Variants in PTPRF observed in about 807,000 individuals in gnomAD.
PTPRF encodes receptor-type tyrosine-protein phosphatase F.
A neutral mutation model predicts 201.8 loss-of-function variants in PTPRF; 59 were observed. The observed-to-expected ratio is 0.29, with a 90% confidence interval of 0.24 to 0.36. The LOEUF is 0.36. Among genes scored for constraint, PTPRF ranks in the 10% least tolerant of loss-of-function variants. The pLI, the probability that PTPRF is intolerant of heterozygous loss-of-function variation, is 1.00. For missense variants in PTPRF, 2,132 were observed against 2,690.5 expected (o/e 0.79, Z 4.59); for synonymous variants, 1,088 against 1,089.7 (o/e 1.00, Z 0.03).
At chr1:43,606,013 T>A (rs1299053148) in intron 19 of PTPRF, among the ~76,000 whole-genome samples, 2 of 152,068 alleles carry the variant, frequency 1.3e-5, no homozygotes, top group African/African-American at 4.8e-5. Context: ...AACAGCCTGG[T>A]TAGGGTGGGG....
At chr1:43,600,341 C>T (rs1043920145) in intron 13 of PTPRF, among the ~76,000 whole-genome samples, 1 of 152,100 alleles carries the variant, frequency 6.6e-6, no homozygotes, top group Non-Finnish European at 1.5e-5. Context: ...CCAAGAGGTT[C>T]GGAAGGGAGC....
chr1:43,570,416 G>GA (rs1410789930), intron 6 of PTPRF, among the ~76,000 whole-genome samples: 1 of 152,266 alleles, frequency 6.6e-6, no homozygotes, highest in Non-Finnish European at 1.5e-5. Context: ...GAGCAGGCGG[G>GA]AAAAGAGGCT....
intron 8 of PTPRF, 37 bp from the exon 9 acceptor site, chr1:43,590,935 A>G (rs766611104): frequency 4.5e-6 from 7 of 1,557,580 alleles, no homozygotes; most frequent in Non-Finnish European, 6.1e-6. Context: ...AAGGATCTTG[A>G]CCTCGGGCAG....
intron 5 of PTPRF, among the ~76,000 whole-genome samples, chr1:43,560,230 C>CGT (rs1249701539): frequency 5.8e-5 from 8 of 137,136 alleles, no homozygotes; most frequent in Admixed American, 5.8e-4. Context: ...TGCATCAGGC[C>CGT]GTGTGTGTGT....
chr1:43,529,130 A>G (rs1460380927), upstream of PTPRF, among the ~76,000 whole-genome samples: 2 of 152,242 alleles, frequency 1.3e-5, no homozygotes, highest in African/African-American at 2.4e-5. Context: ...CTGGAAAAAA[A>G]GGCAAAAATG....
In PTPRF at chr1:43,603,871, G is replaced by A. The variant is rs773247312; in HGVS notation, c.2719G>A (p.Glu907Lys). The A allele has an allele frequency of 2.5e-6, 4 of 1,614,108 alleles. No individual in the cohort carries two copies. Among genetic ancestry groups the A allele is most frequent in the Middle Eastern group, 1.6e-4 (1 of 6,062 alleles). Reference protein sequence around the residue: ...RAGLGEEFEKEIRTPEDLPSG... With the variant: ...RAGLGEEFEKKIRTPEDLPSG... The stretch of plus-strand genomic sequence containing the variant: ...TGGCTTGGGTGAGGAGTTCGAGAAG[G>A]AGATCAGGACCCCCGAGGACCTGCC... Residue 907 changes from glutamate (E) to lysine (K), a missense_variant, in exon 16 of 34, where the codon GAG (glutamate) becomes AAG (lysine). Transcript: ENST00000359947. The surrounding 1 kb of genome is among the most constrained non-coding windows in gnomAD (Gnocchi z 5.8).
chr1:43,592,278 G>A (rs1480361722), intron 10 of PTPRF, among the ~76,000 whole-genome samples, 179 bp from the exon 11 acceptor site: 9 of 152,150 alleles, frequency 5.9e-5, no homozygotes, highest in African/African-American at 1.9e-4. Context: ...GGTCTGTGAG[G>A]TGTCTGTGGC....
chr1:43,544,893 C>A (rs1403663023), intron 2 of PTPRF, 138 bp from the exon 3 acceptor site: 8 of 582,090 alleles, frequency 1.4e-5, no homozygotes, highest in Middle Eastern at 4.0e-4. Flanking sequence ...GGTCATTGCA[C>A]AGCCCAAGTG....
intron 21 of PTPRF, among the ~76,000 whole-genome samples, 184 bp downstream of exon 21, chr1:43,607,152 T>C (rs1655326177): frequency 1.3e-5 from 2 of 152,222 alleles, no homozygotes. Flanking sequence ...GGCCTGCATC[T>C]GTCAGGTGAG....
At chr1:43,611,663 A>G (rs1656484448) in intron 22 of PTPRF, among the ~76,000 whole-genome samples, 1 of 152,160 alleles carries the variant, frequency 6.6e-6, no homozygotes, top group Non-Finnish European at 1.5e-5. Context: ...ACTGGATTAG[A>G]GAGGAGAAAT....
chr1:43,531,424 C>G (rs1048801094), intron 1 of PTPRF, among the ~76,000 whole-genome samples: 7 of 109,190 alleles, frequency 6.4e-5, no homozygotes, highest in African/African-American at 2.4e-4. Context: ...CGCAAAGTTT[C>G]CCGTTTGCGT....
At position 43,597,674 on chromosome 1, in the gene PTPRF, C is replaced by T. The variant is rs1652685040; in HGVS notation, c.1814-74C>T. ...AGCCTGCCCGGGTGAGTCTCCAGTC[C>T]ACTGTGACTCAGTCATTGTGCCTGT... On this transcript the variant is annotated intron_variant, in intron 11 of 33. Coordinates refer to ENST00000359947, the MANE Select transcript of PTPRF (RefSeq NM_002840.5). 1.0e-5 allele frequency: 11 copies of T among 1,084,836 alleles called. No homozygotes were observed. In the South Asian group the frequency reaches 1.6e-4, roughly 16 times the overall value. 67.2% of individuals were successfully genotyped at this position (1,084,836 alleles called of 1,614,324 possible).
Position 43,609,356 on chromosome 1 carries a change from T to C in PTPRF, c.3858-27T>C, listed in dbSNP as rs745382284. 8.1e-6 allele frequency: 13 copies of C among 1,598,420 alleles called. No individual in the cohort carries two copies. In the East Asian group the frequency reaches 2.7e-4, roughly 33 times the overall value. ...CTGTCTCAGCCTGGACCTCAGGTTC[T>C]CACCAGCCTCCCTTCTGTCTCTCTA... On this transcript the variant is annotated intron_variant, in intron 21 of 33. Transcript: ENST00000359947.
At chr1:43,583,979 AG>A (rs1226059640) in intron 7 of PTPRF, among the ~76,000 whole-genome samples, 1 of 152,176 alleles carries the variant, frequency 6.6e-6, no homozygotes, top group Non-Finnish European at 1.5e-5. Context: ...GCAACTTAGC[AG>A]GATCCATATG....
intron 13 of PTPRF, 109 bp downstream of exon 13, chr1:43,599,022 G>A: frequency 1.7e-6 from 2 of 1,198,126 alleles, no homozygotes; most frequent in East Asian, 2.5e-5. Flanking sequence ...CCTCAGCAGT[G>A]CTGTGACTGC....
At chr1:43,612,325 G>C (rs1183495113) in intron 22 of PTPRF, among the ~76,000 whole-genome samples, 1 of 152,170 alleles carries the variant, frequency 6.6e-6, no homozygotes, top group Admixed American at 6.5e-5. Flanking sequence ...ATCCTGGGAA[G>C]ATACCTGGGA....
At chr1:43,605,040 C>T (rs760595682) in intron 17 of PTPRF, 40 bp downstream of exon 17, 41 of 1,598,110 alleles carry the variant, frequency 2.6e-5, no homozygotes, top group Non-Finnish European at 3.4e-5. Flanking sequence ...GGCACACACA[C>T]AGGCCTGCTG....
Position 43,606,925 on chromosome 1 carries a change from A to G in PTPRF, c.3814A>G (p.Ile1272Val). ...LWVTGPVLAV[I>V]LIILIVIAIL... ...GGTGACGGGTCCCGTGCTGGCAGTCATCCTCATCATCCTCATTGTCATCGC... is the reference window on the plus strand; with the variant it reads ...GGTGACGGGTCCCGTGCTGGCAGTCGTCCTCATCATCCTCATTGTCATCGC... The change falls in exon 21 of 34, where the codon ATC (isoleucine) becomes GTC (valine). Residue 1272 changes from isoleucine to valine, a missense_variant. By Grantham distance (29) the Ile-to-Val change is conservative. Transcript: ENST00000359947. 1 of 1,614,164 alleles carries G rather than the reference A, an allele frequency of 6.2e-7. No homozygotes were observed. Among genetic ancestry groups the G allele is most frequent in the East Asian group, 2.2e-5 (1 of 44,886 alleles).
intron 22 of PTPRF, chr1:43,612,885 T>C: frequency 8.9e-7 from 1 of 1,129,276 alleles, no homozygotes; most frequent in South Asian, 1.3e-5. Flanking sequence ...CCCCATCGCC[T>C]CCATCCTTCC....
Sources: gnomAD v4.1 joint callset for allele counts (sites outside exome capture counted in the v4.1 genomes callset) on GRCh38, gnomAD v4.1.1 for gene constraint, Gnocchi (gnomAD v3.1) non-coding constraint, MANE v1.5 for transcripts, NCBI Gene and HGNC (gene_info 2026-07-23, HGNC 2026-07-21) for gene names.